Variants in EHMT1 observed in about 807,000 individuals in gnomAD.
The protein encoded by EHMT1 is histone-lysine N-methyltransferase EHMT1.
Under a neutral mutation model 147.2 loss-of-function variants are expected in EHMT1, and 15 were observed. That is an observed-to-expected ratio of 0.10 (90% CI 0.07 to 0.16). The LOEUF (loss-of-function observed/expected upper bound fraction) is 0.16. Among genes scored for constraint, EHMT1 ranks in the 10% least tolerant of loss-of-function variants. The pLI, the probability that EHMT1 is intolerant of heterozygous loss-of-function variation, is 1.00. For synonymous variants in EHMT1, 795 were observed against 709.6 expected, an observed-to-expected ratio of 1.12 and a Z score of -1.91; for missense variants, 1,587 against 1,772.4, an observed-to-expected ratio of 0.90 and a Z score of 1.88.
chr9:137,798,268 G>A (rs1953128226), intron 16 of EHMT1, among the ~76,000 whole-genome samples: 1 of 152,146 alleles, frequency 6.6e-6, no homozygotes, highest in African/African-American at 2.4e-5. Context: ...CAGTCATGGT[G>A]GTGCACACCT....
chr9:137,827,080 T>C (rs1021242218), intron 25 of EHMT1, among the ~76,000 whole-genome samples: 4 of 152,186 alleles, frequency 2.6e-5, no homozygotes, highest in African/African-American at 4.8e-5. Flanking sequence ...GCATGGACTT[T>C]CTGTGCTTCC....
chr9:137,720,219 G>A (rs992327441), intron 3 of EHMT1, among the ~76,000 whole-genome samples: 2 of 151,964 alleles, frequency 1.3e-5, no homozygotes, highest in African/African-American at 4.8e-5. Context: ...CCCACACCAG[G>A]GTCCCTGACG....
chr9:137,802,599 C>T (rs950986156), intron 18 of EHMT1: 8 of 400,578 alleles, frequency 2.0e-5, no homozygotes, highest in African/African-American at 8.2e-5. Context: ...GGCGTGGGCA[C>T]GGGCCCTTGC....
chr9:137,768,704 T>C (rs1178100786), intron 10 of EHMT1, among the ~76,000 whole-genome samples: 2 of 149,900 alleles, frequency 1.3e-5, no homozygotes, highest in Admixed American at 6.6e-5. Flanking sequence ...CGCCCGCCAC[T>C]ACGCCCGGCT....
intron 3 of EHMT1, among the ~76,000 whole-genome samples, chr9:137,722,248 G>A (rs919696919): frequency 6.6e-6 from 1 of 151,956 alleles, no homozygotes; most frequent in African/African-American, 2.4e-5. Flanking sequence ...CATTCCTTTA[G>A]GGAAAAAAAG....
intron 25 of EHMT1, among the ~76,000 whole-genome samples, chr9:137,831,389 T>C (rs571752053): frequency 1.3e-5 from 2 of 152,206 alleles, no homozygotes; most frequent in African/African-American, 2.4e-5. Context: ...TCTTTCTCCT[T>C]CTTTTTGGGG....
rs1463072562 is a variant in EHMT1 at position 137,762,611 on chromosome 9, C to A, written c.1502-64C>A. The A allele has an allele frequency of 3.9e-5, 63 of 1,611,776 alleles. 1 individual carries two copies. In the Middle Eastern group the frequency reaches 4.9e-4, roughly 13 times the overall value. On this transcript the variant is annotated intron_variant, in intron 9 of 26. Coordinates refer to ENST00000460843, the MANE Select transcript of EHMT1 (RefSeq NM_024757.5). ...GATCACTGTTGAGACTATAATCGAT[C>A]ACTTTCTAGATGTTCTTTTGAGGTC...
At chr9:137,821,713 G>A (rs1365309765) in intron 25 of EHMT1, among the ~76,000 whole-genome samples, 1 of 152,172 alleles carries the variant, frequency 6.6e-6, no homozygotes, top group Non-Finnish European at 1.5e-5. Flanking sequence ...AGAAGCTCCT[G>A]TAGGGATTTG....
intron 1 of EHMT1, among the ~76,000 whole-genome samples, chr9:137,629,077 A>G (rs1843445740): frequency 6.7e-6 from 1 of 150,236 alleles, no homozygotes; most frequent in Non-Finnish European, 1.5e-5. Context: ...GGTAGGGAAT[A>G]GTTATTTGCT....
At position 137,813,330 on chromosome 9, in the gene EHMT1, C is replaced by T; in HGVS notation, c.3036-56C>T. 1.3e-6 allele frequency: 2 copies of T among 1,583,088 alleles called. No individual in the cohort carries two copies. Among genetic ancestry groups the T allele is most frequent in the African/African-American group, 1.3e-5 (1 of 74,358 alleles). On this transcript the variant is annotated intron_variant, in intron 20 of 26. Transcript: ENST00000460843. This position sits in a 1 kb window ranked among gnomAD's most constrained non-coding sequence, Gnocchi z 4.9. The stretch of plus-strand genomic sequence containing the variant: ...CCAGCCGCCCCACTGCACGCTGTGC[C>T]ACCCCCTGGGCAGAGCACGTCAGCC...
intron 10 of EHMT1, among the ~76,000 whole-genome samples, chr9:137,768,707 G>A (rs1419781351): frequency 6.6e-6 from 1 of 150,718 alleles, no homozygotes; most frequent in South Asian, 2.1e-4. Flanking sequence ...CCGCCACTAC[G>A]CCCGGCTAAT....
At chr9:137,751,253 T>TG (rs1160143916) in intron 6 of EHMT1, among the ~76,000 whole-genome samples, 1 of 152,216 alleles carries the variant, frequency 6.6e-6, no homozygotes, top group African/African-American at 2.4e-5. Flanking sequence ...AAGGAAAAGA[T>TG]GGACACCTTT....
At position 137,757,966 on chromosome 9, in the gene EHMT1, T is replaced by A; in HGVS notation, c.1456T>A (p.Ser486Thr). Residue 486 changes from serine to threonine, a missense_variant, in exon 9 of 27, where the codon TCC (serine) becomes ACC (threonine). Ser to Thr is a moderately conservative substitution (Grantham distance 58). Transcript: ENST00000460843. ...STGYMEVSLD[S>T]LDLRVKGILS... ...AGGGTACATGGAAGTTTCTCTGGACTCCCTGGATCTCCGAGTCAAAGGAAT... is the reference window on the plus strand; with the variant it reads ...AGGGTACATGGAAGTTTCTCTGGACACCCTGGATCTCCGAGTCAAAGGAAT... 6.2e-7 allele frequency: 1 copy of A among 1,614,114 alleles called. No homozygotes were observed. The highest frequency in any genetic ancestry group is 8.5e-7 in the Non-Finnish European group (1 of 1,180,014).
At chr9:137,816,085 A>T in intron 23 of EHMT1, 23 bp downstream of exon 23, 1 of 1,593,282 alleles carries the variant, frequency 6.3e-7, no homozygotes. Flanking sequence ...TTCCTGCCGG[A>T]GCCCCACATT....
intron 23 of EHMT1, 138 bp from the exon 24 acceptor site, chr9:137,817,301 C>T (rs1188730797): frequency 1.1e-5 from 10 of 944,338 alleles, no homozygotes; most frequent in Non-Finnish European, 1.3e-5. Flanking sequence ...TGTGAGGTGC[C>T]TGCAGCATCG....
intron 1 of EHMT1, among the ~76,000 whole-genome samples, chr9:137,680,691 G>A (rs1941852751): frequency 1.3e-5 from 2 of 152,246 alleles, no homozygotes; most frequent in Admixed American, 1.3e-4. Context: ...AGATACTGCA[G>A]TCTTCCAGAG....
At chr9:137,741,270 C>T (rs893417731) in intron 4 of EHMT1, among the ~76,000 whole-genome samples, 1 of 152,176 alleles carries the variant, frequency 6.6e-6, no homozygotes, top group Non-Finnish European at 1.5e-5. Context: ...TGAGCCACTG[C>T]GCCCGGCCGA....
intron 1 of EHMT1, among the ~76,000 whole-genome samples, chr9:137,678,071 A>AAAT (rs71387855): frequency 2.6e-3 from 396 of 151,954 alleles, no homozygotes; most frequent in East Asian, 5.6e-3. Context: ...TCCGTCTCAA[A>AAAT]AATAATAATA....
At chr9:137,755,787 T>A (rs767973596) in intron 8 of EHMT1, among the ~76,000 whole-genome samples, 3 of 152,248 alleles carry the variant, frequency 2.0e-5, no homozygotes, top group Non-Finnish European at 4.4e-5. Flanking sequence ...TGTTTTACTG[T>A]AGTTTCAATG....
Sources: gnomAD v4.1 joint callset for allele counts (sites outside exome capture counted in the v4.1 genomes callset) on GRCh38, gnomAD v4.1.1 for gene constraint, Gnocchi (gnomAD v3.1) non-coding constraint, MANE v1.5 for transcripts, NCBI Gene and HGNC (gene_info 2026-07-23, HGNC 2026-07-21) for gene names.